The following DAPP1 variants were observed in gnomAD, a reference collection of about 807,000 sequenced individuals.
DAPP1 encodes the protein dual adaptor of phosphotyrosine and 3-phosphoinositides 1, also known as dual adapter for phosphotyrosine and 3-phosphotyrosine and 3-phosphoinositide.
DAPP1 carries 20 observed loss-of-function variants against 41.5 expected under a neutral mutation model. The ratio of observed to expected loss-of-function variants is 0.48; its 90% CI spans 0.34 to 0.70. DAPP1 has a LOEUF of 0.70. DAPP1 is among the 30% of genes least tolerant of loss of function. The pLI, the probability that DAPP1 is intolerant of heterozygous loss-of-function variation, is 0.01. For missense variants in DAPP1, 233 were observed against 333.4 expected (o/e 0.70, Z 2.35); for synonymous variants, 113 against 116.2 (o/e 0.97, Z 0.18).
rs368911912 is a variant in DAPP1, at chr4:99,866,643, A to G, written c.774+522A>G. On this transcript the variant is annotated intron_variant, in intron 8 of 8. Coordinates refer to ENST00000512369, the MANE Select transcript of DAPP1 (RefSeq NM_014395.3). ...AGTGAGTACTTATAAAACTTCACCA[A>G]TCTTCTACTTGTTTTTCATGTGCTT... The G allele has an allele frequency of 1.8e-3, 1,401 of 762,086 alleles. 2 individuals carry two copies. The highest frequency in any genetic ancestry group is 2.8e-3 in the Non-Finnish European group (1,180 of 416,558). The allele number at this position is 762,086 out of a possible 1,614,324, so 47.2% of individuals were successfully genotyped here.
At chr4:99,865,513 C>G (rs1041240200) in intron 7 of DAPP1, 1 of 151,984 alleles carries the variant, frequency 6.6e-6, no homozygotes, top group African/African-American at 2.4e-5. Context: ...TTGAAATTGC[C>G]CACAACCACA....
intron 7 of DAPP1, 40 bp from the exon 8 acceptor site, chr4:99,865,994 T>G: frequency 3.0e-6 from 1 of 337,654 alleles, no homozygotes; most frequent in Admixed American, 3.8e-5. Flanking sequence ...ATATAGCTAA[T>G]GATCTGCAAT....
At chr4:99,822,362 A>T (rs1560685905) in intron 1 of DAPP1, among the ~76,000 whole-genome samples, 2 of 152,120 alleles carry the variant, frequency 1.3e-5, no homozygotes, top group Non-Finnish European at 2.9e-5. Flanking sequence ...GAGATGGAGG[A>T]TTCATATGCA....
chr4:99,832,033 C>A (rs921134688), intron 1 of DAPP1, among the ~76,000 whole-genome samples: 3 of 151,036 alleles, frequency 2.0e-5, no homozygotes, highest in Admixed American at 6.6e-5. Context: ...ATTCAGGGAA[C>A]CTGATTTCGA....
At chr4:99,822,140 T>C (rs1722793358) in intron 1 of DAPP1, among the ~76,000 whole-genome samples, 1 of 152,210 alleles carries the variant, frequency 6.6e-6, no homozygotes, top group African/African-American at 2.4e-5. Flanking sequence ...TCAAGTGAAT[T>C]TCCTCTTCAG....
chr4:99,834,391 A>AT (rs1018060738), intron 1 of DAPP1, among the ~76,000 whole-genome samples: 5,740 of 146,586 alleles, frequency 0.039, 149 homozygotes, highest in Middle Eastern at 0.12. Flanking sequence ...GACAATTTGA[A>AT]TTTTTTTTTT....
At chr4:99,834,816 C>T (rs1036247899) in intron 1 of DAPP1, among the ~76,000 whole-genome samples, 5 of 152,094 alleles carry the variant, frequency 3.3e-5, no homozygotes, top group African/African-American at 9.7e-5. Flanking sequence ...GGCTCAAAGT[C>T]GGAAATCAAG....
At chr4:99,828,995 AT>A (rs200101358) in intron 1 of DAPP1, among the ~76,000 whole-genome samples, 45 of 150,726 alleles carry the variant, frequency 3.0e-4, no homozygotes, top group African/African-American at 7.3e-4. Flanking sequence ...GACTAGAAGA[AT>A]TTTTTTTTTA....
intron 3 of DAPP1, among the ~76,000 whole-genome samples, chr4:99,843,624 C>A (rs1373180759): frequency 1.3e-5 from 2 of 152,178 alleles, no homozygotes; most frequent in Non-Finnish European, 1.5e-5. Context: ...TAAGATACTT[C>A]CAATTCTCAA....
chr4:99,832,310 A>C (rs1341934709), intron 1 of DAPP1, among the ~76,000 whole-genome samples: 2 of 152,236 alleles, frequency 1.3e-5, no homozygotes, highest in African/African-American at 4.8e-5. Flanking sequence ...ATCCTTATCA[A>C]AGGTGGACAT....
intron 1 of DAPP1, among the ~76,000 whole-genome samples, chr4:99,818,785 T>G (rs917683520): frequency 3.9e-5 from 6 of 152,236 alleles, no homozygotes; most frequent in Non-Finnish European, 8.8e-5. Flanking sequence ...ATGGGCAACC[T>G]GCAGTTATCT....
At chr4:99,837,741 G>T (rs1374340287) in intron 2 of DAPP1, among the ~76,000 whole-genome samples, 4 of 152,134 alleles carry the variant, frequency 2.6e-5, no homozygotes, top group Admixed American at 1.3e-4. Context: ...TACATTTATT[G>T]TGTGTTTTAT....
At chr4:99,852,489 C>T (rs1723896965) in intron 3 of DAPP1, among the ~76,000 whole-genome samples, 1 of 152,104 alleles carries the variant, frequency 6.6e-6, no homozygotes, top group African/African-American at 2.4e-5. Flanking sequence ...GTTCCCCAGC[C>T]CCCCATGCCT....
At chr4:99,859,858 G>T (rs959846735) in intron 4 of DAPP1, among the ~76,000 whole-genome samples, 11 of 152,142 alleles carry the variant, frequency 7.2e-5, no homozygotes, top group African/African-American at 2.7e-4. Context: ...GCACACAGCT[G>T]CTGCTGCCAC....
chr4:99,856,140 A>G (rs1724036989), intron 4 of DAPP1, among the ~76,000 whole-genome samples: 1 of 152,192 alleles, frequency 6.6e-6, no homozygotes, highest in Non-Finnish European at 1.5e-5. Flanking sequence ...AACTGTTTTA[A>G]GCACTGGGAG....
chr4:99,848,461 C>T (rs1393382022), intron 3 of DAPP1, among the ~76,000 whole-genome samples: 3 of 150,556 alleles, frequency 2.0e-5, no homozygotes, highest in East Asian at 2.0e-4. Context: ...CATCTCCTGA[C>T]CTTGTGATCC....
rs368126473 is a variant in DAPP1 at position 99,850,255 on chromosome 4, C to T, written c.359-2963C>T. On this transcript the variant is annotated intron_variant, in intron 3 of 8. Coordinates refer to ENST00000512369, the MANE Select transcript of DAPP1 (RefSeq NM_014395.3). ...CGAAACCCCGTCTCTACTGAAAATA[C>T]GAAAATTGGCCCGGTGTGGTGGTGG... Among the ~76,000 whole-genome samples the T allele has an allele frequency of 1.8e-4, 27 of 152,054 alleles. No individual in the cohort carries two copies. The South Asian group carries it at 2.5e-3, about 14-fold the overall frequency.
chr4:99,866,020 T>G lies in DAPP1; in HGVS notation c.687-14T>G, dbSNP rs776066118. On this transcript the variant is annotated splice_polypyrimidine_tract_variant and intron_variant, in intron 7 of 8. Transcript: ENST00000512369. ...GATCTGCAATATCTTATGTTCTTTC[T>G]TTTGTCCTATTAGTTTGGTATTTCC... is the stretch of plus-strand genomic sequence containing the variant. 3.6e-5 allele frequency: 48 copies of G among 1,315,174 alleles called. No individual in the cohort carries two copies. Among genetic ancestry groups the G allele is most frequent in the Non-Finnish European group, 4.9e-5 (47 of 960,656 alleles). 81.5% of individuals were successfully genotyped at this position (1,315,174 alleles called of 1,614,324 possible). A position where few individuals can be genotyped will look rare whatever the true frequency, so the allele number is the denominator to read the frequency against.
rs777885992 is a variant in DAPP1 at position 99,863,088 on chromosome 4, A to C, written c.600+16A>C. 5.7e-5 allele frequency: 88 copies of C among 1,530,658 alleles called. No homozygotes were observed. Among genetic ancestry groups the C allele is most frequent in the Admixed American group, 2.6e-4 (12 of 46,124 alleles). The allele number at this position is 1,530,658 out of a possible 1,614,324, so 94.8% of individuals were successfully genotyped here. A position where few individuals can be genotyped will look rare whatever the true frequency, so the allele number is the denominator to read the frequency against. ...AGACCAGATGGTGAGAAACATGATA[A>C]TATATTTTTCCTTTAAAAATCAATT... On this transcript the variant is annotated intron_variant, in intron 6 of 8. Coordinates refer to ENST00000512369, the MANE Select transcript of DAPP1 (RefSeq NM_014395.3).
Sources: allele counts gnomAD v4.1 joint callset (sites outside exome capture counted in the v4.1 genomes callset), GRCh38; gene constraint gnomAD v4.1.1; transcripts MANE v1.5; gene names NCBI Gene and HGNC (gene_info 2026-07-23, HGNC 2026-07-21).